The following APBB2 variants were observed in gnomAD, a reference collection of about 807,000 sequenced individuals.
APBB2 encodes the protein amyloid beta precursor protein binding family B member 2, also known as Fe65-like 1.
A neutral mutation model predicts 82.5 loss-of-function variants in APBB2; 38 were observed. The ratio of observed to expected loss-of-function variants is 0.46; its 90% CI spans 0.36 to 0.60. The LOEUF (loss-of-function observed/expected upper bound fraction) is 0.60. Among genes scored for constraint, APBB2 ranks in the 20% least tolerant of loss-of-function variants. APBB2 has a pLI of 0.00. For missense variants in APBB2, 772 were observed against 972.3 expected (o/e 0.79, Z 2.74); for synonymous variants, 341 against 368.2 (o/e 0.93, Z 0.85).
intron 12 of APBB2, among the ~76,000 whole-genome samples, chr4:40,846,870 A>T (rs1757827734): frequency 6.6e-6 from 1 of 152,222 alleles, no homozygotes; most frequent in Admixed American, 6.5e-5. Flanking sequence ...TATTTTTAAA[A>T]GTCCATCTTT....
chr4:41,194,520 C>CA, intron 1 of APBB2, among the ~76,000 whole-genome samples: 1 of 152,076 alleles, frequency 6.6e-6, no homozygotes, highest in Non-Finnish European at 1.5e-5. Flanking sequence ...CTGTCTCTAC[C>CA]AAAAATACAA....
At chr4:41,130,988 G>C (rs1271336111) in intron 2 of APBB2, among the ~76,000 whole-genome samples, 2 of 152,106 alleles carry the variant, frequency 1.3e-5, no homozygotes, top group Non-Finnish European at 2.9e-5. Context: ...CAAAGAACAA[G>C]CGCCACCCCT....
chr4:40,828,474 G>A (rs897220343), intron 13 of APBB2, among the ~76,000 whole-genome samples: 2 of 152,232 alleles, frequency 1.3e-5, no homozygotes, highest in Non-Finnish European at 2.9e-5. Flanking sequence ...CAGCGAGCAA[G>A]AGGGCTGCCG....
chr4:41,084,160 C>T (rs1484102236), intron 3 of APBB2, among the ~76,000 whole-genome samples: 1 of 152,178 alleles, frequency 6.6e-6, no homozygotes, highest in Non-Finnish European at 1.5e-5. Flanking sequence ...CACGGTGGCT[C>T]ACGCCTGTAA....
intron 3 of APBB2, among the ~76,000 whole-genome samples, chr4:41,068,132 C>G (rs1732574173): frequency 6.6e-6 from 1 of 152,184 alleles, no homozygotes; most frequent in Non-Finnish European, 1.5e-5. Context: ...CAGTGGATGC[C>G]TGAAATCATG....
chr4:41,200,368 A>C lies in APBB2; in HGVS notation c.-417+14037T>G, dbSNP rs901469587. Among the ~76,000 whole-genome samples, 6 of 151,296 alleles carry C rather than the reference A, an allele frequency of 4.0e-5. No individual in the cohort carries two copies. The East Asian group carries it at 1.2e-3, about 29-fold the overall frequency. On this transcript the variant is annotated intron_variant, in intron 1 of 17. Coordinates refer to ENST00000508593, the MANE Select transcript of APBB2 (RefSeq NM_004307.2). ...AATTCAATAATTTTGGAAGAAATGA[A>C]TGACCTATTTTTTTTTTAAATAAAA...
At chr4:40,922,083 GC>G (rs1781400909) in intron 10 of APBB2, among the ~76,000 whole-genome samples, 1 of 152,160 alleles carries the variant, frequency 6.6e-6, no homozygotes, top group African/African-American at 2.4e-5. Flanking sequence ...CTTTCATGAA[GC>G]GATCATTAGT....
intron 10 of APBB2, among the ~76,000 whole-genome samples, chr4:40,920,660 T>C (rs1211134472): frequency 6.6e-6 from 1 of 152,056 alleles, no homozygotes; most frequent in Non-Finnish European, 1.5e-5. Flanking sequence ...TCACCTGAGG[T>C]CAGTGGTTCG....
intron 12 of APBB2, among the ~76,000 whole-genome samples, chr4:40,884,405 A>C (rs1769591184): frequency 6.6e-6 from 1 of 152,240 alleles, no homozygotes; most frequent in Non-Finnish European, 1.5e-5. Flanking sequence ...CAGTGTTTTC[A>C]AAAGAAGTCA....
intron 6 of APBB2, among the ~76,000 whole-genome samples, chr4:40,989,596 G>C (rs770415819): frequency 1.3e-5 from 2 of 151,812 alleles, no homozygotes; most frequent in Admixed American, 6.6e-5. Flanking sequence ...TATTTGCTTT[G>C]TTAATTTGCT....
intron 5 of APBB2, among the ~76,000 whole-genome samples, chr4:41,023,945 A>T (rs1712842862): frequency 6.6e-6 from 1 of 152,250 alleles, no homozygotes; most frequent in Non-Finnish European, 1.5e-5. Context: ...ACAGGGCTTC[A>T]GTACTCAAAA....
rs1188791744 is a variant in APBB2 at position 41,014,448 on chromosome 4, T to C, written c.20-50A>G. ...CACCTGCCATGATTAAACTACTTAGTATACAGTGTGAGTAAATATTTTTAT... is the reference window on the plus strand; with the variant it reads ...CACCTGCCATGATTAAACTACTTAGCATACAGTGTGAGTAAATATTTTTAT... On this transcript the variant is annotated intron_variant, in intron 5 of 17. Coordinates refer to ENST00000508593, the MANE Select transcript of APBB2 (RefSeq NM_004307.2). 4 of 1,500,806 alleles carry C rather than the reference T, an allele frequency of 2.7e-6. No homozygotes were observed. In the African/African-American group the frequency reaches 4.2e-5, roughly 16 times the overall value. 93.0% of individuals were successfully genotyped at this position (1,500,806 alleles called of 1,614,324 possible).
In APBB2 at chr4:40,996,044, C is replaced by T. The variant is rs1803552698; in HGVS notation, c.835+17539G>A. On this transcript the variant is annotated intron_variant, in intron 6 of 17. Transcript: ENST00000508593. ...GGCCACAGTTATTTCACTGAGGTTA[C>T]ATCTGTTGAGTGTCTCACTTGGCAG... Among the ~76,000 whole-genome samples, 3 of 152,326 alleles carry T rather than the reference C, an allele frequency of 2.0e-5. No homozygotes were observed. In the South Asian group the frequency reaches 6.2e-4, roughly 32 times the overall value.
At chr4:41,022,403 T>C (rs1234461662) in intron 5 of APBB2, among the ~76,000 whole-genome samples, 1 of 152,214 alleles carries the variant, frequency 6.6e-6, no homozygotes, top group African/African-American at 2.4e-5. Flanking sequence ...AGTTAATTAT[T>C]TCAGAGGCAC....
At chr4:41,107,977 C>T (rs1747851306) in intron 2 of APBB2, among the ~76,000 whole-genome samples, 1 of 152,156 alleles carries the variant, frequency 6.6e-6, no homozygotes, top group Admixed American at 6.5e-5. Flanking sequence ...AACATGTATT[C>T]AAGTATTATT....
intron 2 of APBB2, among the ~76,000 whole-genome samples, chr4:41,122,281 T>A (rs1283797096): frequency 6.6e-6 from 1 of 152,200 alleles, no homozygotes; most frequent in East Asian, 1.9e-4. Context: ...AGTACAAGTA[T>A]CTTCACTGTT....
intron 6 of APBB2, among the ~76,000 whole-genome samples, chr4:40,988,879 C>T (rs1349550831): frequency 1.3e-5 from 2 of 151,426 alleles, no homozygotes; most frequent in African/African-American, 4.8e-5. Flanking sequence ...AATTCTCCTG[C>T]CTCAGCCTCC....
Position 40,844,595 on chromosome 4 carries a change from G to C in APBB2, c.1530-14018C>G, listed in dbSNP as rs529975659. 5.9e-5 allele frequency among the ~76,000 whole-genome samples: 9 copies of C among 152,298 alleles called. No individual in the cohort carries two copies. The South Asian group carries it at 1.2e-3, about 21-fold the overall frequency. On this transcript the variant is annotated intron_variant, in intron 12 of 17. Transcript: ENST00000508593. Reference sequence around the variant, plus strand: ...ACCCCAGCTGATACAGGATGCTGGAGAGTCACCCCTTGGCTCAGGTCCCTC... The same window carrying C: ...ACCCCAGCTGATACAGGATGCTGGACAGTCACCCCTTGGCTCAGGTCCCTC...
Position 40,823,777 on chromosome 4 carries a change from T to C in APBB2, c.1817-18A>G. 6.4e-7 allele frequency: 1 copy of C among 1,569,240 alleles called. No individual in the cohort carries two copies. Among genetic ancestry groups the C allele is most frequent in the Non-Finnish European group, 8.7e-7 (1 of 1,143,908 alleles). The stretch of plus-strand genomic sequence containing the variant: ...ATCCATTCCTGGGGACAGAAAAGGA[T>C]AATTTAAAGTGTCCTAAAGCCACTT... On this transcript the variant is annotated intron_variant, in intron 15 of 17. Transcript: ENST00000508593.
Sources: allele counts gnomAD v4.1 joint callset (sites outside exome capture counted in the v4.1 genomes callset), GRCh38; gene constraint gnomAD v4.1.1; transcripts MANE v1.5; gene names NCBI Gene and HGNC (gene_info 2026-07-23, HGNC 2026-07-21).